The following TLK1 variants were observed in gnomAD, a reference collection of about 807,000 sequenced individuals.
The protein encoded by TLK1 is serine/threonine-protein kinase tousled-like 1.
In TLK1, 24 loss-of-function variants were observed where a neutral mutation model predicts 105.3. The ratio of observed to expected loss-of-function variants is 0.23; its 90% CI spans 0.17 to 0.32. TLK1 has a LOEUF of 0.32. Among genes scored for constraint, TLK1 ranks in the 10% least tolerant of loss-of-function variants. The pLI, the probability that TLK1 is intolerant of heterozygous loss-of-function variation, is 1.00. For synonymous variants in TLK1, 321 were observed against 310.4 expected (o/e 1.03, Z -0.36); for missense variants, 558 against 910.5 (o/e 0.61, Z 4.98).
chr2:171,189,864 AGGTC>A (rs1693110915), intron 1 of TLK1, among the ~76,000 whole-genome samples: 1 of 152,136 alleles, frequency 6.6e-6, no homozygotes, highest in Admixed American at 6.6e-5. Flanking sequence ...GAAAATCAAA[AGGTC>A]AGAAAGCAGT....
chr2:171,119,743 T>C (rs1016090662), intron 1 of TLK1, among the ~76,000 whole-genome samples: 3 of 152,228 alleles, frequency 2.0e-5, no homozygotes, highest in Non-Finnish European at 4.4e-5. Flanking sequence ...TTTCAACAAA[T>C]GGTGCAGGGA....
intron 1 of TLK1, among the ~76,000 whole-genome samples, chr2:171,127,563 C>T (rs1690922043): frequency 6.6e-6 from 1 of 151,986 alleles, no homozygotes; most frequent in Admixed American, 6.6e-5. Context: ...AAAACCAGCC[C>T]AATTTCTTTT....
At chr2:171,224,469 G>T (rs921820411) in intron 1 of TLK1, among the ~76,000 whole-genome samples, 3 of 151,794 alleles carry the variant, frequency 2.0e-5, no homozygotes, top group African/African-American at 7.3e-5. Context: ...AAATGCCACT[G>T]GTATTTTGAT....
At chr2:171,162,493 G>A (rs1014450504), upstream of TLK1, among the ~76,000 whole-genome samples, 1 of 152,172 alleles carries the variant, frequency 6.6e-6, no homozygotes, top group African/African-American at 2.4e-5. Flanking sequence ...AGCCTAGATC[G>A]CAACGTTGCA....
intron 2 of TLK1, among the ~76,000 whole-genome samples, chr2:171,102,369 C>T (rs1689727592): frequency 6.6e-6 from 1 of 152,108 alleles, no homozygotes; most frequent in Non-Finnish European, 1.5e-5. Context: ...TAAGTTCAAA[C>T]TGTGTGTAAT....
chr2:171,161,335 G>A (rs1006988270), upstream of TLK1, among the ~76,000 whole-genome samples: 2 of 152,114 alleles, frequency 1.3e-5, no homozygotes, highest in Non-Finnish European at 1.5e-5. Context: ...CGCTTCTCGG[G>A]AGTTCAATGT....
intron 12 of TLK1, among the ~76,000 whole-genome samples, chr2:171,024,008 A>C (rs892961182): frequency 6.6e-6 from 1 of 152,184 alleles, no homozygotes; most frequent in Non-Finnish European, 1.5e-5. Context: ...GCACAGGTAG[A>C]TAAAATAGGA....
intron 13 of TLK1, among the ~76,000 whole-genome samples, chr2:171,012,978 T>C (rs1241416818): frequency 1.3e-5 from 2 of 151,776 alleles, no homozygotes; most frequent in Non-Finnish European, 2.9e-5. Context: ...GAACAGTTAG[T>C]CTTAAATTAG....
intron 12 of TLK1, among the ~76,000 whole-genome samples, chr2:171,024,901 A>C (rs572664831): frequency 6.6e-6 from 1 of 152,358 alleles, no homozygotes; most frequent in South Asian, 2.1e-4. Flanking sequence ...ACGACTGCTT[A>C]AACTTGGGAA....
rs1204593372 is a variant in TLK1 at position 171,160,578 on chromosome 2, A to G, written c.-150T>C. On this transcript the variant is annotated 5_prime_UTR_variant, in exon 1 of 21. Transcript: ENST00000431350. The surrounding 1 kb of genome is among the most constrained non-coding windows in gnomAD (Gnocchi z 4.4). ...GAGAGTCAAGGGGATGGGGGAGGAAACCGAGAAGAGGGGAGGTGGGGAGGA... is the reference window on the plus strand; with the variant it reads ...GAGAGTCAAGGGGATGGGGGAGGAAGCCGAGAAGAGGGGAGGTGGGGAGGA... The G allele has an allele frequency of 2.7e-5, 34 of 1,275,908 alleles. No homozygotes were observed. In the African/African-American group the frequency reaches 5.2e-4, roughly 20 times the overall value. The allele number at this position is 1,275,908 out of a possible 1,614,324, so 79.0% of individuals were successfully genotyped here.
In TLK1 at chr2:171,094,275, C is replaced by A. The variant is rs141002192; in HGVS notation, c.259-11423G>T. ...AGTAGTCTAGAAAATGAAGTAGAAT[C>A]ATCCCGTTAACATCAAAATATGAAG... is the stretch of plus-strand genomic sequence containing the variant. On this transcript the variant is annotated intron_variant, in intron 2 of 20. Transcript: ENST00000431350. 6.3e-4 allele frequency among the ~76,000 whole-genome samples: 96 copies of A among 152,160 alleles called. No individual in the cohort carries two copies. In the East Asian group the frequency reaches 0.017, roughly 27 times the overall value.
chr2:171,015,362 A>G (rs2105373689), intron 12 of TLK1, among the ~76,000 whole-genome samples: 1 of 152,114 alleles, frequency 6.6e-6, no homozygotes, highest in African/African-American at 2.4e-5. Context: ...TAAAAGAGGA[A>G]GAAAGAAAAA....
chr2:171,173,119 G>A (rs1353678472), intron 1 of TLK1, among the ~76,000 whole-genome samples: 1 of 152,124 alleles, frequency 6.6e-6, no homozygotes, highest in Non-Finnish European at 1.5e-5. Context: ...GTTTTATTCA[G>A]CCAGTTGTGA....
intron 3 of TLK1, among the ~76,000 whole-genome samples, chr2:171,061,499 G>A (rs536700446): frequency 6.6e-6 from 1 of 152,172 alleles, no homozygotes; most frequent in Non-Finnish European, 1.5e-5. Flanking sequence ...TGTTTCCTAT[G>A]AGTTTTTTCC....
At chr2:171,154,177 G>C (rs1390004353) in intron 1 of TLK1, among the ~76,000 whole-genome samples, 1 of 151,568 alleles carries the variant, frequency 6.6e-6, no homozygotes, top group Non-Finnish European at 1.5e-5. Flanking sequence ...CTGAGACATA[G>C]CACCTCGCCT....
intron 3 of TLK1, among the ~76,000 whole-genome samples, chr2:171,070,002 G>A (rs1199996161): frequency 6.6e-6 from 1 of 152,140 alleles, no homozygotes; most frequent in Non-Finnish European, 1.5e-5. Context: ...GAGTATGCTA[G>A]AGAATAAGTA....
intron 8 of TLK1, among the ~76,000 whole-genome samples, chr2:171,050,895 C>T (rs1370655822): frequency 1.3e-5 from 2 of 152,134 alleles, no homozygotes; most frequent in African/African-American, 2.4e-5. Context: ...TGAAAATTTC[C>T]GTTTCTAATA....
At position 171,117,823 on chromosome 2, in the gene TLK1, T is replaced by C. The variant is rs1472747739; in HGVS notation, c.174A>G (p.Arg58=). 6 of 1,613,816 alleles carry C rather than the reference T, an allele frequency of 3.7e-6. No homozygotes were observed. The highest frequency in any genetic ancestry group is 1.7e-4 in the Middle Eastern group (1 of 6,054). Reference sequence around the variant, plus strand: ...ATCTAGCTTCCAATAACTCTTGCCTTCTTGGATCCAGACTATGAAGCTCAT... The same window carrying C: ...ATCTAGCTTCCAATAACTCTTGCCTCCTTGGATCCAGACTATGAAGCTCAT... ...AMDELHSLDP[R]RQELLEARFT... The change falls in exon 2 of 21, where the codon AGA becomes AGG. Residue 58 remains arginine, a synonymous_variant. Transcript: ENST00000431350.
chr2:171,120,070 C>T (rs892589889), intron 1 of TLK1, among the ~76,000 whole-genome samples: 1 of 151,636 alleles, frequency 6.6e-6, no homozygotes, highest in Non-Finnish European at 1.5e-5. Context: ...AACATCTCTA[C>T]TAAACGTCTC....
Sources: gnomAD v4.1 joint callset for allele counts (sites outside exome capture counted in the v4.1 genomes callset) on GRCh38, gnomAD v4.1.1 for gene constraint, Gnocchi (gnomAD v3.1) non-coding constraint, MANE v1.5 for transcripts, NCBI Gene and HGNC (gene_info 2026-07-23, HGNC 2026-07-21) for gene names.